The following IRS1 variants were observed in gnomAD, a reference collection of about 807,000 sequenced individuals.
IRS1 encodes insulin receptor substrate 1.
Under a neutral mutation model 65.6 loss-of-function variants are expected in IRS1, and 34 were observed. That is an observed-to-expected ratio of 0.52 (90% CI 0.39 to 0.69). The LOEUF (loss-of-function observed/expected upper bound fraction) is 0.69. IRS1 is among the 30% of genes least tolerant of loss of function. The pLI, the probability that IRS1 is intolerant of heterozygous loss-of-function variation, is 0.00. For missense variants in IRS1, 1,641 were observed against 1,720.2 expected (o/e 0.95, Z 0.81); for synonymous variants, 699 against 683.5 (o/e 1.02, Z -0.35).
chr2:226,765,246 A>C (rs1939009617), intron 1 of IRS1, among the ~76,000 whole-genome samples: 1 of 152,188 alleles, frequency 6.6e-6, no homozygotes, highest in South Asian at 2.1e-4. Flanking sequence ...TCACCAATTC[A>C]TATTCTTTTC....
chr2:226,797,927 T>C lies in IRS1; in HGVS notation c.812A>G (p.Gln271Arg). 1 of 1,614,012 alleles carries C rather than the reference T, an allele frequency of 6.2e-7. No homozygotes were observed. Among genetic ancestry groups the C allele is most frequent in the Non-Finnish European group, 8.5e-7 (1 of 1,179,990 alleles). Reference sequence around the variant, plus strand: ...GGGGTTAGAGCAGTTGGACGAGGACTGGCTCTTGCTGCGAGGGCGGAACTC... The same window carrying C: ...GGGGTTAGAGCAGTTGGACGAGGACCGGCTCTTGCTGCGAGGGCGGAACTC... ...SDEFRPRSKS[Q>R]SSSNCSNPIS... The change falls in exon 1 of 2, where the codon CAG (glutamine) becomes CGG (arginine). Residue 271 changes from glutamine (Q) to arginine (R), a missense_variant. Transcript: ENST00000305123. This position sits in a 1 kb window ranked among gnomAD's most constrained non-coding sequence, Gnocchi z 8.1.
At position 226,798,715 on chromosome 2, in the gene IRS1, A is replaced by G. The variant is rs1308853627; in HGVS notation, c.24T>C (p.Asp8=). MASPPES[D]GFSDVRKVGY... is the part of the protein sequence containing the mutation. ...CCACCTTGCGCACGTCCGAGAAGCC[A>G]TCGCTCTCCGGAGGGCTCGCCATGC... is the stretch of plus-strand genomic sequence containing the variant. Residue 8 remains aspartate (D), a synonymous_variant, in exon 1 of 2, where the codon GAT becomes GAC. Coordinates refer to ENST00000305123, the MANE Select transcript of IRS1 (RefSeq NM_005544.3). This position sits in a 1 kb window ranked among gnomAD's most constrained non-coding sequence, Gnocchi z 9.4. 6.2e-7 allele frequency: 1 copy of G among 1,612,382 alleles called. No homozygotes were observed. Among genetic ancestry groups the G allele is most frequent in the Non-Finnish European group, 8.5e-7 (1 of 1,179,764 alleles).
intron 1 of IRS1, among the ~76,000 whole-genome samples, chr2:226,736,466 A>G (rs914990227): frequency 1.3e-5 from 2 of 152,248 alleles, no homozygotes; most frequent in African/African-American, 4.8e-5. Context: ...AAAGTCATCA[A>G]TGTGGAATCT....
intron 1 of IRS1, among the ~76,000 whole-genome samples, chr2:226,783,932 C>G (rs1179275541): frequency 6.6e-6 from 1 of 152,036 alleles, no homozygotes; most frequent in Admixed American, 6.6e-5. Flanking sequence ...CTGGGTCAGT[C>G]TGCTGGGGAC....
intron 1 of IRS1, among the ~76,000 whole-genome samples, chr2:226,767,671 G>A (rs567294994): frequency 1.3e-4 from 20 of 152,344 alleles, no homozygotes; most frequent in African/African-American, 4.6e-4. Flanking sequence ...TATCTCAGAA[G>A]CTAGTGCAGC....
rs981633072 is a variant in IRS1 at position 226,732,911 on chromosome 2, T to G, written c.*3361A>C. The G allele has an allele frequency of 6.6e-6, 1 of 152,188 alleles. No homozygotes were observed. Among genetic ancestry groups the G allele is most frequent in the Non-Finnish European group, 1.5e-5 (1 of 68,048 alleles). The allele number at this position is 152,188 out of a possible 1,614,324, so 9.4% of individuals were successfully genotyped here. A position where few individuals can be genotyped will look rare whatever the true frequency, so the allele number is the denominator to read the frequency against. On this transcript the variant is annotated 3_prime_UTR_variant, in exon 2 of 2. Transcript: ENST00000305123. ...AGGTCTTAATTCACAGTGTCTGGAT[T>G]CAGGGCCTCCTTGTGTGATGGACTA... is the stretch of plus-strand genomic sequence containing the variant.
In IRS1 at chr2:226,797,618, G is replaced by A; in HGVS notation, c.1121C>T (p.Ser374Phe). The A allele has an allele frequency of 6.3e-7, 1 of 1,589,450 alleles. No homozygotes were observed. Among genetic ancestry groups the A allele is most frequent in the Non-Finnish European group, 8.5e-7 (1 of 1,172,744 alleles). Reference sequence around the variant, plus strand: ...GCAGCGGGAAGCCGGCATGGGGATGGAGCGGCTGTGGTTGAGCGGGGGGTG... The same window carrying A: ...GCAGCGGGAAGCCGGCATGGGGATGAAGCGGCTGTGGTTGAGCGGGGGGTG... ...RLHPPLNHSR[S>F]IPMPASRCSP... The change falls in exon 1 of 2, where the codon TCC becomes TTC. Residue 374 changes from serine to phenylalanine, a missense_variant. By Grantham distance (155) the Ser-to-Phe change is radical (BLOSUM62 -2). Coordinates refer to ENST00000305123, the MANE Select transcript of IRS1 (RefSeq NM_005544.3). The surrounding 1 kb of genome is among the most constrained non-coding windows in gnomAD (Gnocchi z 8.1).
chr2:226,775,914 T>C (rs978605988), intron 1 of IRS1, among the ~76,000 whole-genome samples: 1 of 152,342 alleles, frequency 6.6e-6, no homozygotes, highest in Admixed American at 6.5e-5. Context: ...TGTATATGTT[T>C]AGTAAAGATG....
At chr2:226,784,566 G>A (rs1044199380) in intron 1 of IRS1, among the ~76,000 whole-genome samples, 9 of 152,148 alleles carry the variant, frequency 5.9e-5, no homozygotes, top group African/African-American at 2.2e-4. Flanking sequence ...GGGATTACAG[G>A]CGCCTGCCAC....
At chr2:226,751,252 C>G (rs1221858237) in intron 1 of IRS1, among the ~76,000 whole-genome samples, 4 of 147,750 alleles carry the variant, frequency 2.7e-5, no homozygotes, top group African/African-American at 5.0e-5. Flanking sequence ...AGTTAGAATT[C>G]CTTAAAAGAC....
At chr2:226,777,442 G>C (rs558084903) in intron 1 of IRS1, among the ~76,000 whole-genome samples, 2 of 152,238 alleles carry the variant, frequency 1.3e-5, no homozygotes, top group South Asian at 4.1e-4. Context: ...ACCACTTATA[G>C]AACCCCAAAT....
Position 226,798,517 on chromosome 2 carries a change from C to T in IRS1, c.222G>A (p.Lys74=), listed in dbSNP as rs759313549. 3.1e-6 allele frequency: 5 copies of T among 1,614,116 alleles called. No individual in the cohort carries two copies. Among genetic ancestry groups the T allele is most frequent in the Non-Finnish European group, 4.2e-6 (5 of 1,180,028 alleles). Residue 74 remains lysine (K), a synonymous_variant, in exon 1 of 2, where the codon AAG becomes AAA. Transcript: ENST00000305123. The surrounding 1 kb of genome is among the most constrained non-coding windows in gnomAD (Gnocchi z 9.4). ...IPLESCFNIN[K]RADSKNKHLV... ...GGTGCTTGTTCTTGGAGTCAGCCCG[C>T]TTGTTGATGTTGAAGCAGCTCTCAA...
chr2:226,756,701 C>T (rs1277716742), intron 1 of IRS1, among the ~76,000 whole-genome samples: 18 of 152,192 alleles, frequency 1.2e-4, no homozygotes, highest in Non-Finnish European at 2.2e-4. Flanking sequence ...AGGTGGCTCA[C>T]GCCTGTAAGC....
In IRS1 at chr2:226,765,084, T is replaced by C. The variant is rs114080232; in HGVS notation, c.*22-28834A>G. 7.3e-3 allele frequency among the ~76,000 whole-genome samples: 1,109 copies of C among 152,322 alleles called. 15 individuals are homozygous for C. The highest frequency in any genetic ancestry group is 0.025 in the African/African-American group (1,059 of 41,568). On this transcript the variant is annotated intron_variant, in intron 1 of 1. Transcript: ENST00000305123. Reference sequence around the variant, plus strand: ...ACTATAGCTTCACCAATTCCTATTCTTTTTATAAATATTACTCATTCATTC... The same window carrying C: ...ACTATAGCTTCACCAATTCCTATTCCTTTTATAAATATTACTCATTCATTC...
At chr2:226,758,398 G>A (rs1938846575) in intron 1 of IRS1, among the ~76,000 whole-genome samples, 1 of 152,138 alleles carries the variant, frequency 6.6e-6, no homozygotes, top group Non-Finnish European at 1.5e-5. Context: ...AACACCATAA[G>A]TGAAAATCGA....
chr2:226,738,854 T>C (rs1235320607), intron 1 of IRS1, among the ~76,000 whole-genome samples: 1 of 152,098 alleles, frequency 6.6e-6, no homozygotes, highest in African/African-American at 2.4e-5. Flanking sequence ...CTGCCGAACA[T>C]AAAATGGGGG....
chr2:226,763,246 C>T (rs892848832), intron 1 of IRS1, among the ~76,000 whole-genome samples: 13 of 152,132 alleles, frequency 8.5e-5, no homozygotes, highest in African/African-American at 2.9e-4. Context: ...CTTCCCATAC[C>T]ATCCTATTTT....
intron 1 of IRS1, among the ~76,000 whole-genome samples, chr2:226,757,164 G>A (rs1447877674): frequency 6.6e-6 from 1 of 152,130 alleles, no homozygotes; most frequent in Non-Finnish European, 1.5e-5. Context: ...ACGACTGCAA[G>A]TCATACAACA....
chr2:226,748,592 T>C (rs1448552697), intron 1 of IRS1, among the ~76,000 whole-genome samples: 2 of 152,130 alleles, frequency 1.3e-5, no homozygotes, highest in Non-Finnish European at 2.9e-5. Context: ...TCATAGAGGT[T>C]TTCCCTACTT....
Sources: allele counts gnomAD v4.1 joint callset (sites outside exome capture counted in the v4.1 genomes callset), GRCh38; gene constraint gnomAD v4.1.1; non-coding constraint Gnocchi (gnomAD v3.1); transcripts MANE v1.5; gene names NCBI Gene and HGNC (gene_info 2026-07-23, HGNC 2026-07-21).